The following SPAG16 variants were observed in gnomAD, a reference collection of about 807,000 sequenced individuals.
The protein encoded by SPAG16 is sperm-associated antigen 16 protein.
In SPAG16, 86 loss-of-function variants were observed where a neutral mutation model predicts 80.4. The observed-to-expected ratio is 1.07, with a 90% CI of 0.90 to 1.28. SPAG16 has a LOEUF of 1.28. SPAG16 is among the 50% of genes most tolerant of loss of function. The pLI is 0.00. For missense variants in SPAG16, 870 were observed against 765.3 expected (o/e 1.14, Z -1.61); for synonymous variants, 294 against 265.9 (o/e 1.11, Z -1.03).
At chr2:213,943,595 C>G (rs2079307293) in intron 12 of SPAG16, among the ~76,000 whole-genome samples, 1 of 152,110 alleles carries the variant, frequency 6.6e-6, no homozygotes, top group African/African-American at 2.4e-5. Flanking sequence ...GCAAGCAATA[C>G]ATGTGGATAT....
intron 10 of SPAG16, among the ~76,000 whole-genome samples, chr2:213,497,450 T>G (rs1325663690): frequency 6.6e-6 from 1 of 151,856 alleles, no homozygotes; most frequent in East Asian, 1.9e-4. Context: ...TACCTTGTTT[T>G]TTTTTTTTTT....
At chr2:213,714,895 C>G (rs1174620716) in intron 10 of SPAG16, among the ~76,000 whole-genome samples, 2 of 152,130 alleles carry the variant, frequency 1.3e-5, no homozygotes, top group Non-Finnish European at 2.9e-5. Context: ...GGGAACCCAA[C>G]CCCCACTAAG....
chr2:214,317,960 A>G (rs1695806304), intron 15 of SPAG16, among the ~76,000 whole-genome samples: 1 of 152,264 alleles, frequency 6.6e-6, no homozygotes, highest in East Asian at 1.9e-4. Flanking sequence ...TCTTGACAAA[A>G]TCAGAATTCT....
At chr2:213,601,069 A>G (rs557294653) in intron 10 of SPAG16, among the ~76,000 whole-genome samples, 3 of 152,258 alleles carry the variant, frequency 2.0e-5, no homozygotes, top group Admixed American at 6.5e-5. Flanking sequence ...GGGAAATGCA[A>G]TGGGCTTGGA....
At chr2:213,903,667 C>A (rs189786352) in intron 11 of SPAG16, among the ~76,000 whole-genome samples, 4 of 152,268 alleles carry the variant, frequency 2.6e-5, no homozygotes, top group African/African-American at 9.6e-5. Flanking sequence ...GGATTAATTC[C>A]GCTCCTTGTT....
At chr2:213,478,538 C>G (rs2073557923) in intron 9 of SPAG16, among the ~76,000 whole-genome samples, 1 of 152,100 alleles carries the variant, frequency 6.6e-6, no homozygotes, top group Non-Finnish European at 1.5e-5. Context: ...ATGGTAGCTA[C>G]TATTACAAAA....
At chr2:213,527,720 A>G (rs1381036182) in intron 10 of SPAG16, among the ~76,000 whole-genome samples, 1 of 152,222 alleles carries the variant, frequency 6.6e-6, no homozygotes, top group Non-Finnish European at 1.5e-5. Context: ...AATTTAAGTG[A>G]AACGGAATCA....
intron 10 of SPAG16, among the ~76,000 whole-genome samples, chr2:213,776,146 G>A (rs541438218): frequency 1.3e-5 from 2 of 152,286 alleles, no homozygotes; most frequent in East Asian, 3.9e-4. Flanking sequence ...ACCTCATATG[G>A]CAAAGGAACT....
intron 15 of SPAG16, among the ~76,000 whole-genome samples, chr2:214,408,956 A>G (rs1702150712): frequency 6.6e-6 from 1 of 151,828 alleles, no homozygotes; most frequent in Admixed American, 6.6e-5. Flanking sequence ...TAAAATACAG[A>G]TAAATAGTAC....
rs188410879 is a variant in SPAG16, at chr2:213,956,662, G to T, written c.1400+26517G>T. ...GGGGTTTCACCATGTTGGCCATGCT[G>T]GTGTCAAACTCCTGACCCCAAGTGA... is the stretch of plus-strand genomic sequence containing the variant. On this transcript the variant is annotated intron_variant, in intron 12 of 15. Transcript: ENST00000331683. 4.6e-3 allele frequency among the ~76,000 whole-genome samples: 697 copies of T among 152,006 alleles called. 22 individuals carry two copies. The highest frequency in any genetic ancestry group is 0.041 in the Admixed American group (621 of 15,270).
chr2:213,859,769 T>C (rs6742853), intron 10 of SPAG16, among the ~76,000 whole-genome samples: 90,446 of 151,922 alleles, frequency 0.6, 28,567 homozygotes, highest in South Asian at 0.85. Context: ...CATAAAATAA[T>C]AATACTGATA....
At chr2:213,991,379 C>T (rs1438144971) in intron 12 of SPAG16, among the ~76,000 whole-genome samples, 1 of 152,126 alleles carries the variant, frequency 6.6e-6, no homozygotes, top group Admixed American at 6.6e-5. Flanking sequence ...ATATGTGCCA[C>T]ATTTTCTTTA....
At chr2:213,360,191 G>T (rs1035591751) in intron 7 of SPAG16, among the ~76,000 whole-genome samples, 1 of 152,122 alleles carries the variant, frequency 6.6e-6, no homozygotes, top group Non-Finnish European at 1.5e-5. Context: ...TCAGAATTTT[G>T]TTATACTTGT....
chr2:213,565,012 C>T (rs1307529971), intron 10 of SPAG16, among the ~76,000 whole-genome samples: 2 of 152,150 alleles, frequency 1.3e-5, no homozygotes, highest in African/African-American at 4.8e-5. Flanking sequence ...TTTATAGTCA[C>T]TATTATTAAA....
chr2:213,374,768 CTG>C (rs1391321534), intron 8 of SPAG16, among the ~76,000 whole-genome samples: 1 of 152,078 alleles, frequency 6.6e-6, no homozygotes, highest in African/African-American at 2.4e-5. Context: ...TATGTCATAA[CTG>C]TGCTCTGTAA....
intron 10 of SPAG16, among the ~76,000 whole-genome samples, chr2:213,490,918 C>T (rs1401904242): frequency 6.6e-6 from 1 of 152,070 alleles, no homozygotes; most frequent in Non-Finnish European, 1.5e-5. Flanking sequence ...GAGACATTAA[C>T]CACTCTTTAA....
intron 3 of SPAG16, among the ~76,000 whole-genome samples, chr2:213,299,879 A>G (rs2062663206): frequency 6.6e-6 from 1 of 152,112 alleles, no homozygotes; most frequent in Non-Finnish European, 1.5e-5. Context: ...AGGATTATAT[A>G]TATGTTCGTT....
At chr2:214,371,908 T>C (rs1325086216) in intron 15 of SPAG16, among the ~76,000 whole-genome samples, 1 of 151,998 alleles carries the variant, frequency 6.6e-6, no homozygotes, top group African/African-American at 2.4e-5. Context: ...CTCCAACTCC[T>C]GGCCTCAAGC....
chr2:213,923,236 C>T (rs946635592), intron 11 of SPAG16, among the ~76,000 whole-genome samples: 1 of 152,126 alleles, frequency 6.6e-6, no homozygotes, highest in African/African-American at 2.4e-5. Context: ...CTTCCTAGGA[C>T]AATAGGAGTC....
Sources: allele counts gnomAD v4.1 joint callset (sites outside exome capture counted in the v4.1 genomes callset), GRCh38; gene constraint gnomAD v4.1.1; transcripts MANE v1.5; gene names NCBI Gene and HGNC (gene_info 2026-07-23, HGNC 2026-07-21).